The following CRACR2A variants were observed in gnomAD, a reference collection of about 807,000 sequenced individuals.
CRACR2A encodes EF-hand calcium-binding domain-containing protein 4B.
In CRACR2A, 79 loss-of-function variants were observed where a neutral mutation model predicts 90.5. That is an observed-to-expected ratio of 0.87 (90% confidence interval 0.73 to 1.05). The LOEUF is 1.05. Among genes scored for constraint, CRACR2A ranks in the 50% least tolerant of loss-of-function variants. The probability of loss-of-function intolerance (pLI) is 0.00; values close to 1 mark genes in which losing one functional copy is unlikely to be tolerated. For missense variants in CRACR2A, 823 were observed against 897.2 expected (o/e 0.92, Z 1.06); for synonymous variants, 338 against 356.7 (o/e 0.95, Z 0.59).
intron 1 of CRACR2A, among the ~76,000 whole-genome samples, chr12:3,739,228 T>C (rs185729225): frequency 6.6e-6 from 1 of 152,330 alleles, no homozygotes; most frequent in Admixed American, 6.5e-5. Context: ...TAGTCAGACA[T>C]GCTTATACTG....
chr12:3,625,347 C>T (rs1316334547), intron 17 of CRACR2A, among the ~76,000 whole-genome samples: 1 of 151,768 alleles, frequency 6.6e-6, no homozygotes, highest in Non-Finnish European at 1.5e-5. Context: ...TCTTCACCTC[C>T]ACCACCAAAC....
At chr12:3,639,872 T>C (rs994480952) in intron 13 of CRACR2A, among the ~76,000 whole-genome samples, 4 of 152,316 alleles carry the variant, frequency 2.6e-5, no homozygotes, top group Admixed American at 6.5e-5. Flanking sequence ...AAACTTCCTA[T>C]ATATTGCATC....
Position 3,696,877 on chromosome 12 carries a change from A to G in CRACR2A, c.123T>C (p.Thr41=). 1 of 1,614,164 alleles carries G rather than the reference A, an allele frequency of 6.2e-7. No individual in the cohort carries two copies. The highest frequency in any genetic ancestry group is 8.5e-7 in the Non-Finnish European group (1 of 1,180,034). Residue 41 remains threonine (T), a synonymous_variant, in exon 4 of 20, where the codon ACT becomes ACC. Transcript: ENST00000440314. The part of the protein sequence containing the change: ...HPLDSLEQKE[T]QEQTSGQLVM... Reference sequence around the variant, plus strand: ...CTAGCTGGCCCGACGTTTGCTCCTGAGTCTCCTTCTGCTCCAGGCTGTCCA... The same window carrying G: ...CTAGCTGGCCCGACGTTTGCTCCTGGGTCTCCTTCTGCTCCAGGCTGTCCA...
chr12:3,662,003 C>T (rs1340241827), intron 7 of CRACR2A, among the ~76,000 whole-genome samples: 1 of 152,108 alleles, frequency 6.6e-6, no homozygotes, highest in Non-Finnish European at 1.5e-5. Flanking sequence ...GTTTTTCATG[C>T]TCACATACCA....
intron 17 of CRACR2A, among the ~76,000 whole-genome samples, chr12:3,626,552 T>C (rs954011619): frequency 2.0e-5 from 3 of 152,348 alleles, no homozygotes; most frequent in Non-Finnish European, 2.9e-5. Context: ...TTGTCTCTTT[T>C]ATTCACTGCT....
chr12:3,654,491 A>G (rs1944863866), intron 9 of CRACR2A, 92 bp from the exon 10 acceptor site: 2 of 1,335,846 alleles, frequency 1.5e-6, no homozygotes, highest in Non-Finnish European at 2.0e-6. Flanking sequence ...TCTGCTTGGC[A>G]GGCAGGAACC....
chr12:3,665,050 T>C (rs891926524), intron 7 of CRACR2A, among the ~76,000 whole-genome samples: 4 of 152,128 alleles, frequency 2.6e-5, no homozygotes, highest in Non-Finnish European at 5.9e-5. Context: ...AGAACTCAAA[T>C]GGTATCTATT....
At chr12:3,632,377 C>T (rs544318633) in intron 15 of CRACR2A, among the ~76,000 whole-genome samples, 1 of 152,292 alleles carries the variant, frequency 6.6e-6, no homozygotes, top group South Asian at 2.1e-4. Flanking sequence ...TACAACCTCT[C>T]ATTTTTCAAA....
At chr12:3,672,349 C>T (rs1372951171) in intron 7 of CRACR2A, among the ~76,000 whole-genome samples, 3 of 152,232 alleles carry the variant, frequency 2.0e-5, no homozygotes, top group Non-Finnish European at 4.4e-5. Flanking sequence ...TCTGAAACTG[C>T]CTTCCAGGCT....
At chr12:3,688,664 C>T (rs1235625327) in intron 4 of CRACR2A, among the ~76,000 whole-genome samples, 3 of 152,058 alleles carry the variant, frequency 2.0e-5, no homozygotes, top group African/African-American at 7.2e-5. Flanking sequence ...ATTGTCTTGG[C>T]TATTTGAGCT....
intron 10 of CRACR2A, 105 bp from the exon 11 acceptor site, chr12:3,648,718 G>T (rs1944739182): frequency 6.8e-7 from 1 of 1,472,862 alleles, no homozygotes; most frequent in Non-Finnish European, 9.1e-7. Context: ...GGGATGGAGG[G>T]CATTGGAGGA....
chr12:3,658,694 G>T (rs1944963515), intron 8 of CRACR2A, among the ~76,000 whole-genome samples: 2 of 152,174 alleles, frequency 1.3e-5, no homozygotes, highest in Non-Finnish European at 2.9e-5. Flanking sequence ...CAAGAGAAGG[G>T]GTTGTGAGAA....
intron 17 of CRACR2A, among the ~76,000 whole-genome samples, chr12:3,619,636 G>A (rs952274661): frequency 5.3e-5 from 8 of 152,150 alleles, no homozygotes; most frequent in Non-Finnish European, 1.5e-5. Flanking sequence ...CCCCCTTCAC[G>A]ATGCTCCTTG....
chr12:3,650,093 A>G (rs766701477), intron 10 of CRACR2A, among the ~76,000 whole-genome samples: 3 of 152,150 alleles, frequency 2.0e-5, no homozygotes, highest in Non-Finnish European at 4.4e-5. Flanking sequence ...AAACTGCAGC[A>G]CAGCTTTTCA....
intron 4 of CRACR2A, 52 bp from the exon 5 acceptor site, chr12:3,680,401 A>T: frequency 6.6e-7 from 1 of 1,513,454 alleles, no homozygotes; most frequent in Non-Finnish European, 9.2e-7. Context: ...CTGGTGGGGG[A>T]GGTGACCTGG....
At position 3,696,887 on chromosome 12, in the gene CRACR2A, T is replaced by C. The variant is rs774987907; in HGVS notation, c.113A>G (p.Gln38Arg). 20 of 1,614,236 alleles carry C rather than the reference T, an allele frequency of 1.2e-5. No homozygotes were observed. In the East Asian group the frequency reaches 4.0e-4, roughly 32 times the overall value. The change falls in exon 4 of 20, where the codon CAG (glutamine) becomes CGG (arginine). Residue 38 changes from glutamine (Q) to arginine (R), a missense_variant. Coordinates refer to ENST00000440314, the MANE Select transcript of CRACR2A (RefSeq NM_001144958.2). ...ACLHPLDSLE[Q>R]KETQEQTSGQ... ...CGACGTTTGCTCCTGAGTCTCCTTC[T>C]GCTCCAGGCTGTCCAGGGGATGCAG...
rs868245305 is a variant in CRACR2A at position 3,711,120 on chromosome 12, T to C, written c.-37+2117A>G. On this transcript the variant is annotated intron_variant, in intron 3 of 19. Coordinates refer to ENST00000440314, the MANE Select transcript of CRACR2A (RefSeq NM_001144958.2). The surrounding 1 kb of genome is among the most constrained non-coding windows in gnomAD (Gnocchi z 4.3). Reference sequence around the variant, plus strand: ...ATGTAAATATCATGTAAATTAGATATGGTTGAGACTCGGTATTATTCATTC... The same window carrying C: ...ATGTAAATATCATGTAAATTAGATACGGTTGAGACTCGGTATTATTCATTC... 3.3e-4 allele frequency among the ~76,000 whole-genome samples: 51 copies of C among 152,302 alleles called. No individual in the cohort carries two copies. The highest frequency in any genetic ancestry group is 1.2e-3 in the African/African-American group (50 of 41,564).
At position 3,667,294 on chromosome 12, in the gene CRACR2A, G is replaced by A. The variant is rs57719603; in HGVS notation, c.671+6152C>T. 2.3e-3 allele frequency among the ~76,000 whole-genome samples: 345 copies of A among 152,324 alleles called. 2 individuals carry two copies. Among genetic ancestry groups the A allele is most frequent in the African/African-American group, 8.0e-3 (332 of 41,568 alleles). ...ATGGTTCCATTCACATCACTACGAT[G>A]TCTGGCCCAGCAGCCTAGGTTGTAA... On this transcript the variant is annotated intron_variant, in intron 7 of 19. Transcript: ENST00000440314.
chr12:3,625,983 T>C (rs1944250123), intron 17 of CRACR2A, among the ~76,000 whole-genome samples: 1 of 152,210 alleles, frequency 6.6e-6, no homozygotes, highest in Non-Finnish European at 1.5e-5. Context: ...ACTGCTGGAT[T>C]CACCCATACC....
Sources: allele counts gnomAD v4.1 joint callset (sites outside exome capture counted in the v4.1 genomes callset), GRCh38; gene constraint gnomAD v4.1.1; non-coding constraint Gnocchi (gnomAD v3.1); transcripts MANE v1.5; gene names NCBI Gene and HGNC (gene_info 2026-07-23, HGNC 2026-07-21).